The following TBXAS1 variants were observed in gnomAD, a reference collection of about 807,000 sequenced individuals.
TBXAS1 encodes the protein thromboxane A synthase 1.
A neutral mutation model predicts 60.7 loss-of-function variants in TBXAS1; 48 were observed. That is an observed-to-expected ratio of 0.79 (90% CI 0.63 to 1.01). The LOEUF is 1.01. TBXAS1 is among the 50% of genes least tolerant of loss of function. The pLI, the probability that TBXAS1 is intolerant of heterozygous loss-of-function variation, is 0.00. For synonymous variants in TBXAS1, 287 were observed against 269.7 expected, an observed-to-expected ratio of 1.06 and a Z score of -0.63; for missense variants, 685 against 686.3, an observed-to-expected ratio of 1.00 and a Z score of 0.02.
At position 139,981,411 on chromosome 7, in the gene TBXAS1, C is replaced by T. The variant is rs145148575; in HGVS notation, c.1134+19178C>T. 1.4e-3 allele frequency among the ~76,000 whole-genome samples: 214 copies of T among 152,352 alleles called. 1 individual carries two copies. Among genetic ancestry groups the T allele is most frequent in the Non-Finnish European group, 2.2e-3 (149 of 68,036 alleles). On this transcript the variant is annotated intron_variant, in intron 9 of 12. Transcript: ENST00000448866. ...GATTACAGGCATGAGCCACCATGCC[C>T]GGCCAGGATGTTCTGAATATTAAAC...
intron 4 of TBXAS1, among the ~76,000 whole-genome samples, chr7:139,930,484 G>A (rs1251321580): frequency 1.3e-5 from 2 of 152,148 alleles, no homozygotes; most frequent in Admixed American, 6.5e-5. Flanking sequence ...AACCAGAGAG[G>A]TCAGCTCTCA....
intron 4 of TBXAS1, among the ~76,000 whole-genome samples, chr7:139,932,972 G>A (rs559680332): frequency 3.3e-5 from 5 of 152,262 alleles, no homozygotes; most frequent in African/African-American, 4.8e-5. Flanking sequence ...GGGTAGGATC[G>A]CTTGAGTCCA....
At chr7:139,924,796 G>T (rs1184923371) in intron 4 of TBXAS1, among the ~76,000 whole-genome samples, 1 of 152,158 alleles carries the variant, frequency 6.6e-6, no homozygotes, top group African/African-American at 2.4e-5. Flanking sequence ...TGAGGACTCA[G>T]ATTTAAGTCT....
chr7:139,912,281 G>C (rs1043693775), intron 4 of TBXAS1, among the ~76,000 whole-genome samples: 17 of 151,838 alleles, frequency 1.1e-4, no homozygotes, highest in African/African-American at 3.9e-4. Flanking sequence ...AATAAAGAAT[G>C]AAAAAATGGC....
In TBXAS1 at chr7:139,962,215, C is replaced by A; in HGVS notation, c.1116C>A (p.Asp372Glu). Residue 372 changes from aspartate (D) to glutamate (E), a missense_variant, in exon 9 of 13, where the codon GAC becomes GAA. Transcript: ENST00000448866. The part of the protein sequence containing the change: ...DCQEKLLREV[D>E]VFKEKHMAPE... ...AAGAGAAGCTTCTGAGAGAGGTAGA[C>A]GTTTTTAAGGAGAAACACGTGAGTA... 6.2e-7 allele frequency: 1 copy of A among 1,614,152 alleles called. No individual in the cohort carries two copies. The highest frequency in any genetic ancestry group is 1.1e-5 in the South Asian group (1 of 91,048).
In TBXAS1 at chr7:140,017,859, G is replaced by A. The variant is rs6139; in HGVS notation, c.1527+26G>A. The A allele has an allele frequency of 0.084, 135,379 of 1,612,968 alleles. 6,488 individuals carry two copies. The highest frequency in any genetic ancestry group is 0.099 in the Non-Finnish European group (116,297 of 1,179,034). The stretch of plus-strand genomic sequence containing the variant: ...GTGAGGCCCCCCTGCTCAGAGGCAG[G>A]GGCAGGGGCAGGGGTGGGAGGGCCA... On this transcript the variant is annotated intron_variant, in intron 12 of 12. Coordinates refer to ENST00000448866, the MANE Select transcript of TBXAS1 (RefSeq NM_001061.7).
rs180945457 is a variant in TBXAS1 at position 139,939,585 on chromosome 7, C to A, written c.450+3278C>A. Among the ~76,000 whole-genome samples, 24 of 151,894 alleles carry A rather than the reference C, an allele frequency of 1.6e-4. No homozygotes were observed. The East Asian group carries it at 4.5e-3, about 28-fold the overall frequency. On this transcript the variant is annotated intron_variant, in intron 5 of 12. Coordinates refer to ENST00000448866, the MANE Select transcript of TBXAS1 (RefSeq NM_001061.7). ...TTTCCCCACCTCTGGGGATTTTAGA[C>A]CTGGCGAGTTGAAGTTTACTGGAAG...
At chr7:139,985,082 A>G (rs35150705) in intron 9 of TBXAS1, among the ~76,000 whole-genome samples, 63,009 of 152,016 alleles carry the variant, frequency 0.41, 14,219 homozygotes, top group East Asian at 0.84. Flanking sequence ...TCTGCCAGTC[A>G]CTCCAGGAGC....
chr7:139,876,817 T>C (rs1008175674), intron 3 of TBXAS1, among the ~76,000 whole-genome samples: 2 of 152,152 alleles, frequency 1.3e-5, no homozygotes, highest in African/African-American at 2.4e-5. Context: ...TGATTTATCA[T>C]GTGTCTAAGG....
intron 1 of TBXAS1, among the ~76,000 whole-genome samples, chr7:139,836,931 T>C (rs1287077514): frequency 2.0e-5 from 3 of 152,138 alleles, no homozygotes; most frequent in African/African-American, 7.2e-5. Flanking sequence ...AGGACTCACA[T>C]TCAGACTCTA....
At chr7:139,945,796 G>A (rs1808657427) in intron 5 of TBXAS1, among the ~76,000 whole-genome samples, 1 of 152,192 alleles carries the variant, frequency 6.6e-6, no homozygotes, top group Middle Eastern at 3.2e-3. Context: ...TGAGTCCAGA[G>A]GGACTGAGGG....
chr7:139,972,856 C>G (rs922878625), intron 9 of TBXAS1, among the ~76,000 whole-genome samples: 1 of 152,122 alleles, frequency 6.6e-6, no homozygotes, highest in Non-Finnish European at 1.5e-5. Flanking sequence ...GAGCACAGTG[C>G]CTGGCACGTG....
chr7:139,815,522 C>T lies in TBXAS1; in HGVS notation c.-79-13790C>T, dbSNP rs1798124121. Among the ~76,000 whole-genome samples, 3 of 152,212 alleles carry T rather than the reference C, an allele frequency of 2.0e-5. No homozygotes were observed. The South Asian group carries it at 6.2e-4, about 32-fold the overall frequency. On this transcript the variant is annotated intron_variant, in intron 4 of 16. Coordinates refer to the TBXAS1 transcript ENST00000336425. ...ACCCAACTGTTTTCTTATTAGTTTA[C>T]CTTGGCAATACCTCTCTATGATGTA...
At chr7:139,812,980 C>T (rs960276066) in intron 4 of TBXAS1, among the ~76,000 whole-genome samples, 2 of 151,848 alleles carry the variant, frequency 1.3e-5, no homozygotes, top group Non-Finnish European at 2.9e-5. Flanking sequence ...TCGCTTGAAC[C>T]GGGGTGGCGG....
At chr7:139,868,652 ATTTTTTTTT>A in intron 1 of TBXAS1, among the ~76,000 whole-genome samples, 1 of 105,034 alleles carries the variant, frequency 9.5e-6, no homozygotes, top group South Asian at 3.0e-4. Context: ...CCTGGCTAAT[ATTTTTTTTT>A]TTTTTTTTTT....
chr7:139,969,985 C>T (rs1811074055), intron 9 of TBXAS1, among the ~76,000 whole-genome samples: 1 of 152,176 alleles, frequency 6.6e-6, no homozygotes, highest in South Asian at 2.1e-4. Flanking sequence ...GCTGTGGCAC[C>T]GGCCCTTGGT....
chr7:139,952,524 T>A, intron 5 of TBXAS1: 2 of 1,535,726 alleles, frequency 1.3e-6, no homozygotes, highest in South Asian at 1.2e-5. Context: ...GGGCAGCGAA[T>A]AAAATGATTC....
intron 3 of TBXAS1, among the ~76,000 whole-genome samples, chr7:139,886,365 G>A (rs546393784): frequency 8.0e-5 from 12 of 150,700 alleles, no homozygotes; most frequent in Non-Finnish European, 1.3e-4. Flanking sequence ...TAACCACTAA[G>A]GAGGCACTCT....
chr7:139,791,220 G>A (rs893996113), intron 4 of TBXAS1, among the ~76,000 whole-genome samples: 2 of 152,280 alleles, frequency 1.3e-5, no homozygotes, highest in Admixed American at 6.5e-5. Flanking sequence ...AAATGCTAAC[G>A]GTAGCCTAAC....
Sources: gnomAD v4.1 joint callset for allele counts (sites outside exome capture counted in the v4.1 genomes callset) on GRCh38, gnomAD v4.1.1 for gene constraint, MANE v1.5 for transcripts, NCBI Gene and HGNC (gene_info 2026-07-23, HGNC 2026-07-21) for gene names.